TTC28: variants seen among roughly 807,000 people sequenced by gnomAD.
The protein encoded by TTC28 is tetratricopeptide repeat domain 28.
Under a neutral mutation model 198.0 loss-of-function variants are expected in TTC28, and 61 were observed. That is an observed-to-expected ratio of 0.31 (90% CI 0.25 to 0.38). TTC28 has a LOEUF of 0.38. TTC28 is among the 10% of genes least tolerant of loss of function. The pLI, the probability that TTC28 is intolerant of heterozygous loss-of-function variation, is 1.00. For missense variants in TTC28, 2,678 were observed against 3,164.0 expected (o/e 0.85, Z 3.69); for synonymous variants, 1,171 against 1,297.8 (o/e 0.90, Z 2.10).
At chr22:28,164,086 G>A (rs1006291849) in intron 5 of TTC28, among the ~76,000 whole-genome samples, 7 of 152,202 alleles carry the variant, frequency 4.6e-5, no homozygotes, top group African/African-American at 7.2e-5. Flanking sequence ...AGGCGGAAGC[G>A]AGGCTGGGGG....
chr22:28,155,074 C>T (rs891487365), intron 6 of TTC28, among the ~76,000 whole-genome samples: 4 of 152,192 alleles, frequency 2.6e-5, no homozygotes, highest in African/African-American at 9.6e-5. Context: ...GAGCCTGATT[C>T]AGTCTCCCTG....
At chr22:28,056,568 G>C (rs954226313) in intron 12 of TTC28, 1 of 151,956 alleles carries the variant, frequency 6.6e-6, no homozygotes, top group Admixed American at 6.6e-5. Context: ...TTCAATTAAG[G>C]TTCCCTTAAA....
At chr22:28,250,440 G>A (rs1366961754) in intron 5 of TTC28, among the ~76,000 whole-genome samples, 6 of 152,080 alleles carry the variant, frequency 3.9e-5, no homozygotes, top group African/African-American at 1.4e-4. Flanking sequence ...ATATAGTCCA[G>A]TCAGTCATCC....
chr22:28,440,056 G>A (rs887244883), intron 2 of TTC28, among the ~76,000 whole-genome samples: 3 of 152,172 alleles, frequency 2.0e-5, no homozygotes, highest in Non-Finnish European at 2.9e-5. Context: ...GGCCGGTCTC[G>A]AACTCCTGAC....
chr22:28,442,620 C>T (rs1449981584), intron 2 of TTC28, among the ~76,000 whole-genome samples: 1 of 152,254 alleles, frequency 6.6e-6, no homozygotes, highest in Non-Finnish European at 1.5e-5. Flanking sequence ...CTGCACAGGA[C>T]TTCTAAAGCA....
At chr22:27,985,518 A>C (rs530320133) in intron 21 of TTC28, among the ~76,000 whole-genome samples, 162 bp from the exon 22 acceptor site, 1 of 152,332 alleles carries the variant, frequency 6.6e-6, no homozygotes, top group East Asian at 1.9e-4. Flanking sequence ...GAGGTTGGTC[A>C]TGTGGCAGAG....
chr22:28,635,601 G>C (rs1052281636), intron 1 of TTC28, among the ~76,000 whole-genome samples: 14 of 152,082 alleles, frequency 9.2e-5, no homozygotes, highest in Non-Finnish European at 1.9e-4. Flanking sequence ...CTCAATATAT[G>C]CAGCCACATA....
At chr22:28,483,179 A>G (rs2048276126) in intron 2 of TTC28, among the ~76,000 whole-genome samples, 1 of 152,190 alleles carries the variant, frequency 6.6e-6, no homozygotes, top group African/African-American at 2.4e-5. Context: ...CATGTATTAG[A>G]TAAAGTCTCT....
intron 2 of TTC28, among the ~76,000 whole-genome samples, chr22:28,332,677 C>T (rs2045635707): frequency 6.6e-6 from 1 of 152,082 alleles, no homozygotes; most frequent in Admixed American, 6.6e-5. Context: ...AACAGAAATA[C>T]TCATTTGTAA....
At chr22:28,227,787 C>T (rs1439262183) in intron 5 of TTC28, among the ~76,000 whole-genome samples, 1 of 151,430 alleles carries the variant, frequency 6.6e-6, no homozygotes, top group Non-Finnish European at 1.5e-5. Flanking sequence ...AATGGTACAA[C>T]CATTGTAAAA....
intron 5 of TTC28, among the ~76,000 whole-genome samples, chr22:28,170,980 C>CTTTTTTTTTTTT (rs76585422): frequency 6.0e-5 from 8 of 132,798 alleles, no homozygotes; most frequent in African/African-American, 1.9e-4. Context: ...GCCACTCATT[C>CTTTTTTTTTTTT]TTTTTTTTTT....
intron 2 of TTC28, among the ~76,000 whole-genome samples, chr22:28,476,203 C>CT (rs1034366414): frequency 6.6e-6 from 1 of 152,078 alleles, no homozygotes; most frequent in South Asian, 2.1e-4. Flanking sequence ...ATCTCCTTGC[C>CT]TTTTTTGACA....
intron 12 of TTC28, among the ~76,000 whole-genome samples, chr22:28,067,178 G>C (rs951599658): frequency 6.6e-6 from 1 of 152,194 alleles, no homozygotes; most frequent in Non-Finnish European, 1.5e-5. Flanking sequence ...AAAGTTCCAT[G>C]AGATTAAATT....
intron 2 of TTC28, among the ~76,000 whole-genome samples, chr22:28,398,577 T>G (rs558902833): frequency 6.6e-6 from 1 of 152,300 alleles, no homozygotes; most frequent in Non-Finnish European, 1.5e-5. Flanking sequence ...TCTCTAAACA[T>G]CATGGCCCCT....
At chr22:28,096,994 G>A (rs1041994186) in intron 10 of TTC28, among the ~76,000 whole-genome samples, 2 of 152,116 alleles carry the variant, frequency 1.3e-5, no homozygotes, top group Middle Eastern at 3.4e-3. Flanking sequence ...TAGTAGAGAC[G>A]GGGTTTCGCC....
At chr22:27,997,548 T>C (rs1246666699) in intron 16 of TTC28, 1 of 152,222 alleles carries the variant, frequency 6.6e-6, no homozygotes, top group African/African-American at 2.4e-5. Flanking sequence ...CAACTGGATT[T>C]ATGCTAAGAA....
At chr22:28,178,631 C>G (rs963603461) in intron 5 of TTC28, among the ~76,000 whole-genome samples, 1 of 152,058 alleles carries the variant, frequency 6.6e-6, no homozygotes, top group Non-Finnish European at 1.5e-5. Flanking sequence ...GCATTTATAC[C>G]TGGGAGCAGG....
At chr22:28,430,834 T>G (rs2047418817) in intron 2 of TTC28, among the ~76,000 whole-genome samples, 1 of 151,128 alleles carries the variant, frequency 6.6e-6, no homozygotes, top group African/African-American at 2.4e-5. Flanking sequence ...GGATTTCAGC[T>G]GGCATTTGAA....
intron 2 of TTC28, among the ~76,000 whole-genome samples, chr22:28,507,404 T>C (rs750333688): frequency 6.6e-6 from 1 of 152,044 alleles, no homozygotes; most frequent in African/African-American, 2.4e-5. Flanking sequence ...AAATATGATA[T>C]TATGTAAAGA....
Sources: allele counts gnomAD v4.1 joint callset (sites outside exome capture counted in the v4.1 genomes callset), GRCh38; gene constraint gnomAD v4.1.1; transcripts MANE v1.5; gene names NCBI Gene and HGNC (gene_info 2026-07-23, HGNC 2026-07-21).